Variants in AGL observed in about 807,000 individuals in gnomAD.
AGL encodes the protein amylo-alpha-1,6-glucosidase and 4-alpha-glucanotransferase.
A neutral mutation model predicts 199.3 loss-of-function variants in AGL; 128 were observed. The observed-to-expected ratio is 0.64, with a 90% CI of 0.56 to 0.74. The LOEUF (loss-of-function observed/expected upper bound fraction) is 0.74, where lower values mean the gene tolerates loss of function less well. Ranked by LOEUF, AGL falls within the 30% of genes least tolerant of loss-of-function variation. The pLI is 0.00. For synonymous variants in AGL, 584 were observed against 594.7 expected, an observed-to-expected ratio of 0.98 and a Z score of 0.26; for missense variants, 1,809 against 1,820.8, an observed-to-expected ratio of 0.99 and a Z score of 0.12.
intron 3 of AGL, 31 bp from the exon 4 acceptor site, chr1:99,862,226 T>C (rs201124866): frequency 1.2e-5 from 20 of 1,612,232 alleles, no homozygotes; most frequent in Middle Eastern, 1.7e-4. Flanking sequence ...TATCACTGAC[T>C]GAAAAGTTTT....
chr1:99,871,883 A>G (rs1043501306), intron 7 of AGL, among the ~76,000 whole-genome samples: 1 of 152,034 alleles, frequency 6.6e-6, no homozygotes, highest in East Asian at 1.9e-4. Flanking sequence ...CCCAAAACCC[A>G]CATCTCAGCT....
chr1:99,885,345 A>G (rs1157530766), intron 20 of AGL, among the ~76,000 whole-genome samples: 1 of 152,230 alleles, frequency 6.6e-6, no homozygotes, highest in South Asian at 2.1e-4. Context: ...ATTAAATAGG[A>G]TAACACTTAT....
rs1052842246 is a variant in AGL at position 99,876,549 on chromosome 1, A to C, written c.1375A>C (p.Asn459His). 2.5e-6 allele frequency: 4 copies of C among 1,614,034 alleles called. No individual in the cohort carries two copies. The highest frequency in any genetic ancestry group is 3.4e-6 in the Non-Finnish European group (4 of 1,179,974). Residue 459 changes from asparagine (N) to histidine (H), a missense_variant, in exon 11 of 34, where the codon AAT becomes CAT. Asn to His is a moderately conservative substitution (Grantham distance 68). Transcript: ENST00000361915. ...PNKACFLMAH[N>H]GWVMGDDPLR... ...TAAAGCTTGTTTTCTGATGGCACAC[A>C]ATGGATGGGTAATGGGAGATGATCC...
chr1:99,902,915 C>A, intron 27 of AGL, 121 bp downstream of exon 27: 1 of 779,502 alleles, frequency 1.3e-6, no homozygotes, highest in Non-Finnish European at 2.1e-6. Context: ...AAAAGATTAA[C>A]ATAGTTCCTG....
Position 99,882,567 on chromosome 1 carries a change from C to A in AGL, c.2308+876C>A, listed in dbSNP as rs1402142357. On this transcript the variant is annotated intron_variant, in intron 17 of 33. Coordinates refer to ENST00000361915, the MANE Select transcript of AGL (RefSeq NM_000642.3). ...GGATCTTTCAAGGTCTAAAGTTGCA[C>A]CTCCTTTGTTCAGTGATTCTTCTGA... 1.3e-5 allele frequency among the ~76,000 whole-genome samples: 2 copies of A among 152,128 alleles called. 1 individual carries two copies.
At chr1:99,897,620 G>A (rs1244791029) in intron 25 of AGL, among the ~76,000 whole-genome samples, 1 of 152,206 alleles carries the variant, frequency 6.6e-6, no homozygotes, top group Non-Finnish European at 1.5e-5. Flanking sequence ...AATTTAGGAA[G>A]CTGTTTGCTT....
intron 29 of AGL, 89 bp downstream of exon 29, chr1:99,912,606 A>G: frequency 1.0e-6 from 1 of 955,422 alleles, no homozygotes; most frequent in Admixed American, 2.1e-5. Flanking sequence ...CTATCAGCTA[A>G]TATCGGAAAA....
intron 33 of AGL, among the ~76,000 whole-genome samples, chr1:99,917,886 A>G (rs1484419715): frequency 6.6e-6 from 1 of 152,146 alleles, no homozygotes; most frequent in East Asian, 1.9e-4. Flanking sequence ...CCCCCACACT[A>G]CATGGTTACT....
chr1:99,871,596 A>G (rs1227134861), intron 7 of AGL, among the ~76,000 whole-genome samples: 15 of 152,216 alleles, frequency 9.9e-5, no homozygotes, highest in Admixed American at 9.8e-4. Context: ...GAACTAGAGT[A>G]GGACTCAGAA....
rs778983440 is a variant in AGL, at chr1:99,877,777, C to T, written c.1560C>T (p.Phe520=). The change falls in exon 12 of 34, where the codon TTC becomes TTT. Residue 520 remains phenylalanine, a synonymous_variant. Transcript: ENST00000361915. ...KKYTEITATY[F]QGVRLDNCHS... Reference sequence around the variant, plus strand: ...ACACTGAAATAACTGCAACTTATTTCCAGGGAGTACGTCTTGATAACTGCC... The same window carrying T: ...ACACTGAAATAACTGCAACTTATTTTCAGGGAGTACGTCTTGATAACTGCC... 4 of 1,613,922 alleles carry T rather than the reference C, an allele frequency of 2.5e-6. No individual in the cohort carries two copies. In the African/African-American group the frequency reaches 4.0e-5, roughly 16 times the overall value.
At chr1:99,913,802 T>C (rs1199621628) in intron 30 of AGL, 64 bp downstream of exon 30, 2 of 1,474,728 alleles carry the variant, frequency 1.4e-6, no homozygotes, top group African/African-American at 1.4e-5. Context: ...TAGTTCCTTA[T>C]TCCCATTTGT....
At chr1:99,864,757 T>G (rs1309159202) in intron 5 of AGL, among the ~76,000 whole-genome samples, 168 bp downstream of exon 5, 7 of 152,180 alleles carry the variant, frequency 4.6e-5, no homozygotes, top group Non-Finnish European at 8.8e-5. Flanking sequence ...AAATTAATAT[T>G]TTTCCTTTCA....
intron 27 of AGL, among the ~76,000 whole-genome samples, chr1:99,909,782 G>A (rs542639235): frequency 1.3e-5 from 2 of 152,180 alleles, no homozygotes; most frequent in South Asian, 2.1e-4. Flanking sequence ...ATTATGCTCA[G>A]GGATTTTCAT....
At chr1:99,882,711 A>G (rs1486411325) in intron 17 of AGL, among the ~76,000 whole-genome samples, 1 of 152,114 alleles carries the variant, frequency 6.6e-6, no homozygotes, top group Non-Finnish European at 1.5e-5. Context: ...GGTGTATTTT[A>G]TTGTCTTACT....
intron 27 of AGL, among the ~76,000 whole-genome samples, chr1:99,907,795 A>G (rs1316790397): frequency 6.8e-6 from 1 of 147,162 alleles, no homozygotes; most frequent in African/African-American, 2.5e-5. Context: ...GCATCTCTTC[A>G]TGTGCTTGCA....
Position 99,864,539 on chromosome 1 carries a change from A to C in AGL, c.614A>C (p.Lys205Thr). The C allele has an allele frequency of 3.7e-6, 6 of 1,613,984 alleles. No individual in the cohort carries two copies. Among genetic ancestry groups the C allele is most frequent in the Non-Finnish European group, 5.1e-6 (6 of 1,179,934 alleles). Residue 205 changes from lysine to threonine, a missense_variant, in exon 5 of 34, where the codon AAA becomes ACA. Coordinates refer to ENST00000361915, the MANE Select transcript of AGL (RefSeq NM_000642.3). ...NDVGQLVEKL[K>T]KEWNVICITD... ...GTTGGACAGCTAGTGGAAAAATTAAAAAAGGAATGGAATGTTATTTGTATT... is the reference window on the plus strand; with the variant it reads ...GTTGGACAGCTAGTGGAAAAATTAACAAAGGAATGGAATGTTATTTGTATT...
chr1:99,860,544 T>A (rs913620526), intron 2 of AGL, among the ~76,000 whole-genome samples: 6 of 152,228 alleles, frequency 3.9e-5, no homozygotes, highest in African/African-American at 1.2e-4. Context: ...CAGTTTTAAC[T>A]GTAATGTGCT....
chr1:99,864,654 A>G (rs1650354054), intron 5 of AGL, 65 bp downstream of exon 5: 1 of 1,375,140 alleles, frequency 7.3e-7, no homozygotes, highest in African/African-American at 1.4e-5. Context: ...ACATATACAC[A>G]CAAATAAGAG....
At chr1:99,861,380 G>C in intron 2 of AGL, 123 bp from the exon 3 acceptor site, 1 of 1,543,038 alleles carries the variant, frequency 6.5e-7, no homozygotes, top group South Asian at 1.2e-5. Flanking sequence ...CATTAGGTTT[G>C]CGGAGTTATT....
Sources: allele counts gnomAD v4.1 joint callset (sites outside exome capture counted in the v4.1 genomes callset), GRCh38; gene constraint gnomAD v4.1.1; transcripts MANE v1.5; gene names NCBI Gene and HGNC (gene_info 2026-07-23, HGNC 2026-07-21).